Variants in B3GAT2 observed in about 807,000 individuals in gnomAD.
The protein encoded by B3GAT2 is galactosylgalactosylxylosylprotein 3-beta-glucuronosyltransferase 2.
Under a neutral mutation model 27.8 loss-of-function variants are expected in B3GAT2, and 26 were observed. That is an observed-to-expected ratio of 0.93 (90% CI 0.68 to 1.30). B3GAT2 has a LOEUF of 1.30. Ranked by LOEUF, B3GAT2 falls within the 50% of genes most tolerant of loss-of-function variation. B3GAT2 has a pLI of 0.00. For synonymous variants in B3GAT2, 218 were observed against 195.1 expected, an observed-to-expected ratio of 1.12 and a Z score of -0.98; for missense variants, 458 against 459.0, an observed-to-expected ratio of 1.00 and a Z score of 0.02.
intron 1 of B3GAT2, among the ~76,000 whole-genome samples, chr6:70,931,246 T>C (rs201632132): frequency 1.3e-5 from 2 of 152,066 alleles, no homozygotes; most frequent in Admixed American, 1.3e-4. Context: ...GATGAGTTAA[T>C]GGGTGCAGCA....
At chr6:70,871,208 GTTTTTTTTTTTTTGTT>G (rs913779641) in intron 2 of B3GAT2, among the ~76,000 whole-genome samples, 2 of 81,180 alleles carry the variant, frequency 2.5e-5, no homozygotes, top group Admixed American at 1.3e-4. Flanking sequence ...AGGTCTGTCT[GTTTTTTTTTTTTTGTT>G]TTTTTTTTTT....
At chr6:70,899,364 C>T (rs1053082831) in intron 1 of B3GAT2, among the ~76,000 whole-genome samples, 4 of 152,176 alleles carry the variant, frequency 2.6e-5, no homozygotes, top group African/African-American at 9.6e-5. Context: ...CAAAACTTTG[C>T]ATGCATTCCT....
Position 70,956,260 on chromosome 6 carries a change from C to A in B3GAT2, c.170G>T (p.Gly57Val). Residue 57 changes from glycine (G) to valine (V), a missense_variant, in exon 1 of 4, where the codon GGC (glycine) becomes GTC (valine). Transcript: ENST00000230053. Reference protein sequence around the residue: ...RGGARLPLRRGGPAHGTQKRN... With the variant: ...RGGARLPLRRVGPAHGTQKRN... ...CTTTTGGGTCCCGTGAGCCGGGCCGCCCCTGCGGAGCGGGAGTCGGGCGCC... is the reference window on the plus strand; with the variant it reads ...CTTTTGGGTCCCGTGAGCCGGGCCGACCCTGCGGAGCGGGAGTCGGGCGCC... 6.2e-7 allele frequency: 1 copy of A among 1,610,876 alleles called. No homozygotes were observed. The highest frequency in any genetic ancestry group is 8.5e-7 in the Non-Finnish European group (1 of 1,178,390).
Position 70,956,079 on chromosome 6 carries a change from C to A in B3GAT2, c.351G>T (p.Glu117Asp), listed in dbSNP as rs143511495. Residue 117 changes from glutamate to aspartate, a missense_variant, in exon 1 of 4, where the codon GAG (glutamate) becomes GAT (aspartate). By Grantham distance (45) the Glu-to-Asp change is conservative. Transcript: ENST00000230053. ...QVAQLHWILV[E>D]DAAARSELVS... The stretch of plus-strand genomic sequence containing the variant: ...CCAGCTCGCTGCGCGCCGCCGCGTC[C>A]TCCACCAGGATCCAGTGCAGCTGCG... 2 of 1,595,684 alleles carry A rather than the reference C, an allele frequency of 1.3e-6. No homozygotes were observed. The highest frequency in any genetic ancestry group is 1.7e-6 in the Non-Finnish European group (2 of 1,174,108).
chr6:70,862,018 C>G, intron 2 of B3GAT2, 40 bp from the exon 3 acceptor site: 1 of 1,532,582 alleles, frequency 6.5e-7, no homozygotes, highest in Non-Finnish European at 8.8e-7. Flanking sequence ...CTTTAAAATC[C>G]TGGTGTACTT....
intron 1 of B3GAT2, among the ~76,000 whole-genome samples, chr6:70,914,369 G>T (rs1219280330): frequency 6.6e-6 from 1 of 152,104 alleles, no homozygotes; most frequent in African/African-American, 2.4e-5. Flanking sequence ...ACTTATGAGT[G>T]AGAACATGCG....
chr6:70,954,460 T>C (rs1324594090), intron 1 of B3GAT2, among the ~76,000 whole-genome samples: 2 of 152,134 alleles, frequency 1.3e-5, no homozygotes, highest in Non-Finnish European at 2.9e-5. Flanking sequence ...AGGCGGCAAT[T>C]ACCTTTAAGA....
intron 1 of B3GAT2, among the ~76,000 whole-genome samples, chr6:70,914,457 T>C (rs1228266415): frequency 2.6e-5 from 4 of 152,232 alleles, no homozygotes; most frequent in Admixed American, 6.5e-5. Context: ...ACAAAGGATA[T>C]GAACTCATCC....
chr6:70,924,671 C>A (rs771018476), intron 1 of B3GAT2, among the ~76,000 whole-genome samples: 12 of 152,140 alleles, frequency 7.9e-5, no homozygotes, highest in Admixed American at 3.3e-4. Flanking sequence ...ATCCAACCAG[C>A]CTGCATCTTG....
At chr6:70,873,243 T>C (rs1254714072) in intron 2 of B3GAT2, among the ~76,000 whole-genome samples, 1 of 148,792 alleles carries the variant, frequency 6.7e-6, no homozygotes, top group South Asian at 2.2e-4. Context: ...AGGGCACATG[T>C]GCTAGCAATG....
chr6:70,954,980 C>A (rs1460032500), intron 1 of B3GAT2, among the ~76,000 whole-genome samples: 1 of 151,486 alleles, frequency 6.6e-6, no homozygotes, highest in Non-Finnish European at 1.5e-5. Context: ...AGCAGGGAGC[C>A]CGGATGCACT....
At chr6:70,915,193 A>G (rs1772751530) in intron 1 of B3GAT2, among the ~76,000 whole-genome samples, 1 of 151,968 alleles carries the variant, frequency 6.6e-6, no homozygotes, top group Admixed American at 6.6e-5. Flanking sequence ...TGTTGGCTGC[A>G]TAACTGTCTT....
chr6:70,949,310 A>T (rs1765541436), intron 1 of B3GAT2, among the ~76,000 whole-genome samples: 1 of 152,206 alleles, frequency 6.6e-6, no homozygotes, highest in South Asian at 2.1e-4. Flanking sequence ...TACTCATCTG[A>T]CAAAGGGCTA....
intron 1 of B3GAT2, among the ~76,000 whole-genome samples, chr6:70,940,514 C>T (rs1765375917): frequency 6.6e-6 from 1 of 152,116 alleles, no homozygotes; most frequent in Admixed American, 6.6e-5. Context: ...TATTTCGTGC[C>T]CTCTCCTTTG....
intron 1 of B3GAT2, among the ~76,000 whole-genome samples, chr6:70,949,934 C>G (rs1399645378): frequency 6.6e-6 from 1 of 152,064 alleles, no homozygotes; most frequent in South Asian, 2.1e-4. Flanking sequence ...AATCATCATT[C>G]TCAGTAAACT....
intron 2 of B3GAT2, among the ~76,000 whole-genome samples, chr6:70,868,100 C>A (rs2460688): frequency 0.31 from 47,607 of 151,886 alleles, 8,566 homozygotes; most frequent in Middle Eastern, 0.39. Context: ...AACATCTAGT[C>A]ATAATGAAAA....
At chr6:70,906,123 A>G (rs1772597457) in intron 1 of B3GAT2, among the ~76,000 whole-genome samples, 1 of 152,084 alleles carries the variant, frequency 6.6e-6, no homozygotes, top group Non-Finnish European at 1.5e-5. Context: ...AAACTGCTTC[A>G]TTTCTCTTTC....
chr6:70,913,619 A>G (rs747793066), intron 1 of B3GAT2, among the ~76,000 whole-genome samples: 7 of 152,170 alleles, frequency 4.6e-5, no homozygotes. Context: ...CTTATGGCCG[A>G]TTGTGTGGTC....
chr6:70,858,782 A>G lies in B3GAT2; in HGVS notation c.*2881T>C, dbSNP rs779634351. 2.6e-5 allele frequency: 4 copies of G among 152,874 alleles called. No individual in the cohort carries two copies. The highest frequency in any genetic ancestry group is 9.6e-5 in the African/African-American group (4 of 41,456). 9.5% of individuals were successfully genotyped at this position (152,874 alleles called of 1,614,324 possible). On this transcript the variant is annotated 3_prime_UTR_variant, in exon 4 of 4. Transcript: ENST00000230053. The stretch of plus-strand genomic sequence containing the variant: ...TTCTTTTTGTTGAGAAACCTTTGTA[A>G]AGTTGTATTTTCTTTTTACATACCC...
Sources: gnomAD v4.1 joint callset for allele counts (sites outside exome capture counted in the v4.1 genomes callset) on GRCh38, gnomAD v4.1.1 for gene constraint, MANE v1.5 for transcripts, NCBI Gene and HGNC (gene_info 2026-07-23, HGNC 2026-07-21) for gene names.